The following NNMT variants were observed in gnomAD, a reference collection of about 807,000 sequenced individuals.
The protein encoded by NNMT is nicotinamide N-methyltransferase.
NNMT carries 10 observed loss-of-function variants against 11.7 expected under a neutral mutation model. That is an observed-to-expected ratio of 0.85 (90% CI 0.53 to 1.45). The LOEUF (loss-of-function observed/expected upper bound fraction) is 1.45, where lower values mean the gene tolerates loss of function less well. Among genes scored for constraint, NNMT ranks in the 40% most tolerant of loss-of-function variants. NNMT has a pLI of 0.00. For synonymous variants in NNMT, 143 were observed against 133.8 expected, an observed-to-expected ratio of 1.07 and a Z score of -0.48; for missense variants, 381 against 319.4, an observed-to-expected ratio of 1.19 and a Z score of -1.47.
Position 114,275,711 on chromosome 11 carries a change from G to A in NNMT, c.-130+12777G>A, listed in dbSNP as rs143834731. On this transcript the variant is annotated intron_variant, in intron 2 of 4. Coordinates refer to the NNMT transcript ENST00000535401. ...TTGCGAGTGTGTGTATGGGTTTAGG[G>A]TTAGGGTTAGAATATTCTGATATCT... Among the ~76,000 whole-genome samples the A allele has an allele frequency of 4.7e-3, 710 of 152,190 alleles. 3 individuals are homozygous for A. The highest frequency in any genetic ancestry group is 0.017 in the Middle Eastern group (5 of 294).
intron 2 of NNMT, among the ~76,000 whole-genome samples, chr11:114,274,837 A>C (rs982370649): frequency 3.9e-5 from 6 of 152,112 alleles, no homozygotes; most frequent in African/African-American, 1.2e-4. Context: ...CTGTTGTTCC[A>C]ATTGCAACCT....
chr11:114,306,269 A>T (rs1260059453), intron 2 of NNMT, among the ~76,000 whole-genome samples: 4 of 152,086 alleles, frequency 2.6e-5, no homozygotes, highest in African/African-American at 9.7e-5. Flanking sequence ...AGATGGGTAG[A>T]TTGTAAAATT....
intron 1 of NNMT, among the ~76,000 whole-genome samples, chr11:114,258,115 A>C (rs1367194950): frequency 6.6e-6 from 1 of 151,926 alleles, no homozygotes; most frequent in Non-Finnish European, 1.5e-5. Context: ...AACCCTGGCA[A>C]TTGTGGGCAG....
intron 1 of NNMT, among the ~76,000 whole-genome samples, chr11:114,259,935 C>T (rs1241552982): frequency 6.6e-6 from 1 of 152,166 alleles, no homozygotes; most frequent in African/African-American, 2.4e-5. Context: ...CAGCCTGGCA[C>T]AAGGCCCCCT....
intron 2 of NNMT, among the ~76,000 whole-genome samples, chr11:114,284,975 C>A (rs376994713): frequency 4.0e-5 from 6 of 151,730 alleles, no homozygotes; most frequent in African/African-American, 1.5e-4. Flanking sequence ...ATCATGTTGG[C>A]GAGGCTGGTC....
In NNMT at chr11:114,312,554, T is replaced by C. The variant is rs1945564057; in HGVS notation, c.*77T>C. ...GTCCTTGTTTCTAACTGCCAAGTCA[T>C]GTGCTGAGTAGAGGCTCAGTGGTTG... is the stretch of plus-strand genomic sequence containing the variant. On this transcript the variant is annotated 3_prime_UTR_variant, in exon 3 of 3. Transcript: ENST00000299964. The C allele has an allele frequency of 7.0e-7, 1 of 1,427,672 alleles. No individual in the cohort carries two copies. The highest frequency in any genetic ancestry group is 2.3e-5 in the East Asian group (1 of 43,744). 88.4% of individuals were successfully genotyped at this position (1,427,672 alleles called of 1,614,324 possible).
In NNMT at chr11:114,312,505, CT is replaced by C; in HGVS notation, c.*31del. ...CCTGTGACCTCAATTAAAGCAATTC[CT>C]TTGACCTGTCCAGTTGACTTTAGTC... On this transcript the variant is annotated 3_prime_UTR_variant, in exon 3 of 3. Transcript: ENST00000299964. 6.3e-7 allele frequency: 1 copy of C among 1,595,246 alleles called. No individual in the cohort carries two copies. The highest frequency in any genetic ancestry group is 8.6e-7 in the Non-Finnish European group (1 of 1,169,336).
At chr11:114,268,482 T>TG (rs1945140353) in intron 2 of NNMT, among the ~76,000 whole-genome samples, 1 of 152,056 alleles carries the variant, frequency 6.6e-6, no homozygotes, top group South Asian at 2.1e-4. Context: ...AAAAATATAC[T>TG]ACAACAGACC....
At chr11:114,270,766 C>A (rs1945163016) in intron 2 of NNMT, among the ~76,000 whole-genome samples, 1 of 151,952 alleles carries the variant, frequency 6.6e-6, no homozygotes, top group South Asian at 2.1e-4. Flanking sequence ...CTTCATATAA[C>A]CCTAGTTACC....
chr11:114,300,424 T>G (rs1428028126), intron 2 of NNMT, among the ~76,000 whole-genome samples: 1 of 152,210 alleles, frequency 6.6e-6, no homozygotes, highest in Non-Finnish European at 1.5e-5. Context: ...GAGATTTATT[T>G]TGTGGCTCTG....
At chr11:114,288,346 G>C (rs1400815943) in intron 2 of NNMT, among the ~76,000 whole-genome samples, 7 of 152,030 alleles carry the variant, frequency 4.6e-5, no homozygotes. Flanking sequence ...TGAGGTTTTT[G>C]TAGGTAATCT....
chr11:114,307,573 A>T (rs994116936), intron 2 of NNMT, among the ~76,000 whole-genome samples: 1 of 152,042 alleles, frequency 6.6e-6, no homozygotes, highest in African/African-American at 2.4e-5. Flanking sequence ...AAATCTGATC[A>T]TGTCACTCTC....
At chr11:114,295,344 C>T (rs896745426), upstream of NNMT, among the ~76,000 whole-genome samples, 2 of 148,340 alleles carry the variant, frequency 1.3e-5, no homozygotes, top group African/African-American at 2.5e-5. Context: ...AATGCTTTAG[C>T]GGGGAGTGAG....
rs777284281 is a variant in NNMT at position 114,312,784 on chromosome 11, C to T, written c.*307C>T. 3.1e-6 allele frequency: 1 copy of T among 327,394 alleles called. No individual in the cohort carries two copies. Among genetic ancestry groups the T allele is most frequent in the Non-Finnish European group, 5.6e-6 (1 of 177,234 alleles). 20.3% of individuals were successfully genotyped at this position (327,394 alleles called of 1,614,324 possible). ...TATGGCGGCTCAAGCCCGTACCTGCCTACAGAGAAGTGTCTGCAGTTACTC... is the reference window on the plus strand; with the variant it reads ...TATGGCGGCTCAAGCCCGTACCTGCTTACAGAGAAGTGTCTGCAGTTACTC... On this transcript the variant is annotated 3_prime_UTR_variant, in exon 3 of 3. Coordinates refer to ENST00000299964, the MANE Select transcript of NNMT (RefSeq NM_006169.3).
intron 2 of NNMT, among the ~76,000 whole-genome samples, chr11:114,277,100 G>T (rs1370199866): frequency 6.6e-6 from 1 of 152,172 alleles, no homozygotes; most frequent in Non-Finnish European, 1.5e-5. Context: ...GCTCATGCCT[G>T]TAATCCCAGC....
chr11:114,306,858 G>A (rs1256554175), intron 2 of NNMT, among the ~76,000 whole-genome samples: 1 of 152,158 alleles, frequency 6.6e-6, no homozygotes, highest in East Asian at 1.9e-4. Context: ...TGAGGTAAAT[G>A]CTCTCTGTGC....
intron 2 of NNMT, among the ~76,000 whole-genome samples, chr11:114,285,211 C>A (rs1371036955): frequency 6.6e-6 from 1 of 152,140 alleles, no homozygotes; most frequent in Non-Finnish European, 1.5e-5. Context: ...ATTTGAGACG[C>A]TGGAGTATTG....
chr11:114,297,905 C>T (rs576461576), intron 1 of NNMT, 46 bp from the exon 2 acceptor site: 1 of 1,542,020 alleles, frequency 6.5e-7, no homozygotes, highest in African/African-American at 1.4e-5. Context: ...CTGCCCACTG[C>T]CATGAGATGC....
chr11:114,266,865 T>C (rs1945124394), intron 2 of NNMT, among the ~76,000 whole-genome samples: 1 of 152,278 alleles, frequency 6.6e-6, no homozygotes, highest in African/African-American at 2.4e-5. Flanking sequence ...TGCCATGCCC[T>C]TGGACTTCCT....
Sources: gnomAD v4.1 joint callset for allele counts (sites outside exome capture counted in the v4.1 genomes callset) on GRCh38, gnomAD v4.1.1 for gene constraint, MANE v1.5 for transcripts, NCBI Gene and HGNC (gene_info 2026-07-23, HGNC 2026-07-21) for gene names.